Variants in ANTXR1 observed in about 807,000 individuals in gnomAD.
ANTXR1 encodes anthrax toxin receptor 1.
A neutral mutation model predicts 78.1 loss-of-function variants in ANTXR1; 19 were observed. The observed-to-expected ratio is 0.24, with a 90% CI of 0.17 to 0.36. The LOEUF is 0.36. Among genes scored for constraint, ANTXR1 ranks in the 10% least tolerant of loss-of-function variants. The pLI, the probability that ANTXR1 is intolerant of heterozygous loss-of-function variation, is 1.00. For synonymous variants in ANTXR1, 273 were observed against 260.5 expected (o/e 1.05, Z -0.46); for missense variants, 518 against 718.6 (o/e 0.72, Z 3.19).
In ANTXR1 at chr2:69,245,718, A is replaced by G. The variant is rs1412432606; in HGVS notation, c.*233A>G. On this transcript the variant is annotated 3_prime_UTR_variant, in exon 18 of 18. Coordinates refer to ENST00000303714, the MANE Select transcript of ANTXR1 (RefSeq NM_032208.3). ...CAGTCAGATTTATAGCCAGCCATCT[A>G]TCACCTCTAGAAGGTTCCAGAGACA... 3.6e-6 allele frequency: 2 copies of G among 556,140 alleles called. No individual in the cohort carries two copies. The highest frequency in any genetic ancestry group is 6.3e-6 in the Non-Finnish European group (2 of 317,416). The allele number at this position is 556,140 out of a possible 1,614,324, so 34.5% of individuals were successfully genotyped here. A position where few individuals can be genotyped will look rare whatever the true frequency, so the allele number is the denominator to read the frequency against.
At chr2:69,024,206 G>A (rs1671278397) in intron 1 of ANTXR1, among the ~76,000 whole-genome samples, 1 of 152,186 alleles carries the variant, frequency 6.6e-6, no homozygotes, top group Non-Finnish European at 1.5e-5. Flanking sequence ...CAGAAGGAAA[G>A]AGAAGTTGGT....
intron 15 of ANTXR1, chr2:69,182,146 C>T (rs772351705): frequency 1.6e-4 from 90 of 564,594 alleles, no homozygotes; most frequent in Non-Finnish European, 2.3e-4. Context: ...TCTTGCCCAC[C>T]GTGAGTCAGA....
Position 69,134,280 on chromosome 2 carries a change from T to C in ANTXR1, c.951+9637T>C, listed in dbSNP as rs551169934. Among the ~76,000 whole-genome samples, 8 of 152,312 alleles carry C rather than the reference T, an allele frequency of 5.3e-5. No individual in the cohort carries two copies. In the East Asian group the frequency reaches 1.4e-3, roughly 26 times the overall value. On this transcript the variant is annotated intron_variant, in intron 12 of 17. Transcript: ENST00000303714. The stretch of plus-strand genomic sequence containing the variant: ...AATTGGGGCTCTTTAGCCTGGGGCA[T>C]ACTTAGCATAGAGACAATATTCAAA...
At chr2:69,223,864 C>T (rs1449214592) in intron 17 of ANTXR1, among the ~76,000 whole-genome samples, 2 of 152,100 alleles carry the variant, frequency 1.3e-5, no homozygotes, top group African/African-American at 2.4e-5. Flanking sequence ...TGCTTGATCT[C>T]GAATGTAGGT....
At position 69,029,682 on chromosome 2, in the gene ANTXR1, AT is replaced by A. The variant is rs1242939018; in HGVS notation, c.153-10358del. The stretch of plus-strand genomic sequence containing the variant: ...ATTATAAGGTTTTGAGTGAAATGTG[AT>A]TTTAAAATTCCTTAGTCAGGCTTTA... On this transcript the variant is annotated intron_variant, in intron 1 of 17. Transcript: ENST00000303714. Among the ~76,000 whole-genome samples, 3 of 152,128 alleles carry A rather than the reference AT, an allele frequency of 2.0e-5. No individual in the cohort carries two copies. The East Asian group carries it at 5.8e-4, about 29-fold the overall frequency.
intron 12 of ANTXR1, among the ~76,000 whole-genome samples, chr2:69,151,181 A>ATTTTTT (rs1673382576): frequency 1.3e-5 from 1 of 78,018 alleles, no homozygotes; most frequent in Non-Finnish European, 2.6e-5. Context: ...ATATCTGATT[A>ATTTTTT]TTTTCTTTTT....
chr2:69,151,521 G>A (rs1047896787), intron 12 of ANTXR1, among the ~76,000 whole-genome samples: 4 of 152,044 alleles, frequency 2.6e-5, no homozygotes, highest in African/African-American at 4.8e-5. Context: ...GACTGGCCTC[G>A]CCACATTTTT....
At chr2:69,079,448 C>T (rs1259752639) in intron 8 of ANTXR1, among the ~76,000 whole-genome samples, 1 of 151,940 alleles carries the variant, frequency 6.6e-6, no homozygotes. Flanking sequence ...TGATGGGTAC[C>T]ACCAAAGGAG....
rs1674689058 is a variant in ANTXR1, at chr2:69,197,329, C to T, written c.1434+3914C>T. On this transcript the variant is annotated intron_variant, in intron 17 of 17. Coordinates refer to ENST00000303714, the MANE Select transcript of ANTXR1 (RefSeq NM_032208.3). The stretch of plus-strand genomic sequence containing the variant: ...AACCAAACCTCAACACACCATGCCT[C>T]CACTTCAGACTTGCAAAAACTGTGG... Among the ~76,000 whole-genome samples the T allele has an allele frequency of 3.3e-5, 5 of 152,350 alleles. No homozygotes were observed. In the South Asian group the frequency reaches 1.0e-3, roughly 32 times the overall value.
intron 13 of ANTXR1, among the ~76,000 whole-genome samples, chr2:69,167,970 A>G (rs994204470): frequency 6.6e-6 from 1 of 152,178 alleles, no homozygotes; most frequent in Non-Finnish European, 1.5e-5. Context: ...AACCGCATTG[A>G]TGGGTTGGTC....
intron 12 of ANTXR1, among the ~76,000 whole-genome samples, chr2:69,135,515 A>G (rs989456793): frequency 6.6e-6 from 1 of 152,158 alleles, no homozygotes; most frequent in Admixed American, 6.5e-5. Flanking sequence ...AATAAAACAT[A>G]AGGACACAGA....
chr2:69,183,667 G>C (rs185446703), intron 16 of ANTXR1, among the ~76,000 whole-genome samples: 1 of 142,428 alleles, frequency 7.0e-6, no homozygotes, highest in Non-Finnish European at 1.5e-5. Context: ...TGCCCACCTC[G>C]GCCTCCCAAA....
At chr2:69,152,023 A>G (rs1673412658) in intron 12 of ANTXR1, 146 bp from the exon 13 acceptor site, 1 of 791,112 alleles carries the variant, frequency 1.3e-6, no homozygotes, top group Admixed American at 2.0e-5. Context: ...TGAGCCCCAG[A>G]ATGATGGGCA....
intron 17 of ANTXR1, among the ~76,000 whole-genome samples, chr2:69,233,786 G>A (rs1664509699): frequency 6.6e-6 from 1 of 151,356 alleles, no homozygotes; most frequent in Non-Finnish European, 1.5e-5. Flanking sequence ...AATAAAACAA[G>A]AAAATGTAAT....
chr2:69,202,934 A>G (rs914969895), intron 17 of ANTXR1, among the ~76,000 whole-genome samples: 10 of 152,222 alleles, frequency 6.6e-5, no homozygotes, highest in African/African-American at 2.4e-4. Context: ...ACTGCCATTG[A>G]TTTCAGAGAA....
Position 69,223,136 on chromosome 2 carries a change from T to C in ANTXR1, c.1435-22089T>C, listed in dbSNP as rs115663845. ...CCTCAAGTCACCTCTACTCAGAAGG[T>C]CCCCAGAGGCCTGTGCAGGCTGGCA... On this transcript the variant is annotated intron_variant, in intron 17 of 17. Coordinates refer to ENST00000303714, the MANE Select transcript of ANTXR1 (RefSeq NM_032208.3). Among the ~76,000 whole-genome samples, 1,251 of 152,178 alleles carry C rather than the reference T, an allele frequency of 8.2e-3. 16 individuals are homozygous for C. The highest frequency in any genetic ancestry group is 0.028 in the African/African-American group (1,167 of 41,508).
intron 12 of ANTXR1, among the ~76,000 whole-genome samples, chr2:69,138,051 T>C (rs916200458): frequency 2.5e-4 from 33 of 131,032 alleles, no homozygotes; most frequent in Admixed American, 9.1e-4. Context: ...ACCATTGCAC[T>C]CCAGCCGAGG....
chr2:69,071,992 A>C (rs1670581506), intron 5 of ANTXR1, among the ~76,000 whole-genome samples: 2 of 152,222 alleles, frequency 1.3e-5, no homozygotes, highest in Admixed American at 1.3e-4. Flanking sequence ...GATGCCAAGA[A>C]AAGTTATATA....
Position 69,119,652 on chromosome 2 carries a change from G to A in ANTXR1, c.803-3365G>A, listed in dbSNP as rs201502876. On this transcript the variant is annotated intron_variant, in intron 10 of 17. Coordinates refer to ENST00000303714, the MANE Select transcript of ANTXR1 (RefSeq NM_032208.3). ...AGCCTCCATTTTGCATCTGAAATAT[G>A]AGCCTAATGATCCCTGCCCTGCCTT... Among the ~76,000 whole-genome samples the A allele has an allele frequency of 2.4e-4, 37 of 152,284 alleles. No individual in the cohort carries two copies. In the East Asian group the frequency reaches 7.1e-3, roughly 29 times the overall value.
Sources: allele counts gnomAD v4.1 joint callset (sites outside exome capture counted in the v4.1 genomes callset), GRCh38; gene constraint gnomAD v4.1.1; transcripts MANE v1.5; gene names NCBI Gene and HGNC (gene_info 2026-07-23, HGNC 2026-07-21).